Variants in ZNF827 observed in about 807,000 individuals in gnomAD.
The protein encoded by ZNF827 is zinc finger protein 827.
Under a neutral mutation model 102.4 loss-of-function variants are expected in ZNF827, and 13 were observed. The ratio of observed to expected loss-of-function variants is 0.13; its 90% confidence interval spans 0.08 to 0.20. The LOEUF (loss-of-function observed/expected upper bound fraction) is 0.20. ZNF827 is among the 10% of genes least tolerant of loss of function. The pLI is 1.00. For missense variants in ZNF827, 1,103 were observed against 1,344.4 expected (o/e 0.82, Z 2.81); for synonymous variants, 523 against 536.2 (o/e 0.98, Z 0.34).
intron 1 of ZNF827, among the ~76,000 whole-genome samples, chr4:145,910,712 A>G (rs555174079): frequency 1.3e-5 from 2 of 152,274 alleles, no homozygotes; most frequent in East Asian, 3.9e-4. Flanking sequence ...TCAGTATAAA[A>G]TACAAAACTC....
At chr4:145,911,637 G>A (rs1383113101) in intron 1 of ZNF827, among the ~76,000 whole-genome samples, 1 of 152,150 alleles carries the variant, frequency 6.6e-6, no homozygotes, top group Admixed American at 6.5e-5. Flanking sequence ...TTTACAGATG[G>A]AAAAGCCTTG....
rs899917566 is a variant in ZNF827, at chr4:145,836,293, G to A, written c.2279+9663C>T. ...CCTTTCCTTCCTAGGCATGGTTAGC[G>A]CGGTCAGAATTCTTACACAAGAGCC... On this transcript the variant is annotated intron_variant, in intron 7 of 14. Transcript: ENST00000508784. 5.9e-5 allele frequency among the ~76,000 whole-genome samples: 9 copies of A among 151,776 alleles called. No individual in the cohort carries two copies. In the East Asian group the frequency reaches 7.8e-4, roughly 13 times the overall value.
At position 145,885,662 on chromosome 4, in the gene ZNF827, A is replaced by G. The variant is rs367596259; in HGVS notation, c.1747+16T>C. ...AGAGAGAGAGAGAGAGAGAGAATAC[A>G]ACCCTATTCAAGTACCTGACAGCTT... On this transcript the variant is annotated intron_variant, in intron 4 of 14. Transcript: ENST00000508784. 1 of 1,508,216 alleles carries G rather than the reference A, an allele frequency of 6.6e-7. No homozygotes were observed. The highest frequency in any genetic ancestry group is 1.4e-5 in the African/African-American group (1 of 70,164). 93.4% of individuals were successfully genotyped at this position (1,508,216 alleles called of 1,614,324 possible).
At chr4:145,845,616 T>G (rs1745855109) in intron 7 of ZNF827, among the ~76,000 whole-genome samples, 1 of 152,162 alleles carries the variant, frequency 6.6e-6, no homozygotes, top group Non-Finnish European at 1.5e-5. Flanking sequence ...CAGTCCCAGC[T>G]GAGCCACCCG....
chr4:145,814,104 T>C (rs1302689168), intron 8 of ZNF827, among the ~76,000 whole-genome samples: 1 of 152,210 alleles, frequency 6.6e-6, no homozygotes, highest in Non-Finnish European at 1.5e-5. Flanking sequence ...ACCAGCATCA[T>C]GCTCAAAGGA....
At chr4:145,815,508 A>T (rs908837795) in intron 8 of ZNF827, among the ~76,000 whole-genome samples, 2 of 152,128 alleles carry the variant, frequency 1.3e-5, no homozygotes. Flanking sequence ...TGGCCTAGGT[A>T]AGAGAATACA....
At chr4:145,840,966 G>A (rs1477089930) in intron 7 of ZNF827, among the ~76,000 whole-genome samples, 3 of 152,312 alleles carry the variant, frequency 2.0e-5, no homozygotes, top group South Asian at 2.1e-4. Context: ...TGCACAGCAC[G>A]ATATGAGTCT....
chr4:145,783,001 G>A (rs970147245), intron 8 of ZNF827, among the ~76,000 whole-genome samples: 11 of 152,094 alleles, frequency 7.2e-5, no homozygotes, highest in African/African-American at 2.7e-4. Flanking sequence ...CTCTGTCCCA[G>A]GGAACTTTTA....
intron 7 of ZNF827, among the ~76,000 whole-genome samples, chr4:145,828,134 T>C (rs1031633875): frequency 6.6e-6 from 1 of 152,206 alleles, no homozygotes; most frequent in African/African-American, 2.4e-5. Flanking sequence ...TGAAATGCAC[T>C]GGACTTTACG....
At chr4:145,834,074 A>G (rs1194758965) in intron 7 of ZNF827, among the ~76,000 whole-genome samples, 3 of 151,858 alleles carry the variant, frequency 2.0e-5, no homozygotes, top group African/African-American at 7.3e-5. Flanking sequence ...TTCAACTTAC[A>G]CCTGACCTAA....
chr4:145,787,475 A>AC (rs1427857346), intron 8 of ZNF827, among the ~76,000 whole-genome samples: 1 of 151,894 alleles, frequency 6.6e-6, no homozygotes, highest in East Asian at 1.9e-4. Flanking sequence ...AAAAAAAAAA[A>AC]AAAAAAAAAG....
chr4:145,895,654 C>T (rs969503345), intron 2 of ZNF827, among the ~76,000 whole-genome samples: 3 of 152,116 alleles, frequency 2.0e-5, no homozygotes, highest in Non-Finnish European at 4.4e-5. Context: ...GTCATCTCAC[C>T]GATAACATCT....
intron 11 of ZNF827, among the ~76,000 whole-genome samples, chr4:145,772,077 C>A (rs1373518686): frequency 6.6e-6 from 1 of 152,206 alleles, no homozygotes; most frequent in Non-Finnish European, 1.5e-5. Flanking sequence ...TGCCAAGTAA[C>A]TTCCACATAG....
intron 2 of ZNF827, among the ~76,000 whole-genome samples, chr4:145,900,855 C>A (rs1156449783): frequency 6.6e-6 from 1 of 152,124 alleles, no homozygotes; most frequent in Non-Finnish European, 1.5e-5. Flanking sequence ...TTACCCATTT[C>A]TCTCCTTATT....
chr4:145,833,678 C>T (rs189555445), intron 7 of ZNF827, among the ~76,000 whole-genome samples: 122 of 151,366 alleles, frequency 8.1e-4, no homozygotes, highest in Middle Eastern at 3.4e-3. Context: ...CCCTTATTTA[C>T]GCACCCCAAC....
In ZNF827 at chr4:145,759,641, G is replaced by C. The variant is rs1734239857; in HGVS notation, c.*1975C>G. 6.6e-6 allele frequency: 1 copy of C among 151,542 alleles called. No homozygotes were observed. Among genetic ancestry groups the C allele is most frequent in the Non-Finnish European group, 1.5e-5 (1 of 67,948 alleles). 9.4% of individuals were successfully genotyped at this position (151,542 alleles called of 1,614,324 possible). On this transcript the variant is annotated 3_prime_UTR_variant, in exon 15 of 15. Transcript: ENST00000508784. Reference sequence around the variant, plus strand: ...TTGTGGCTAAATCTTCAAACATACAGTCTACTCATTCCATAAAAAAGGTAC... The same window carrying C: ...TTGTGGCTAAATCTTCAAACATACACTCTACTCATTCCATAAAAAAGGTAC...
chr4:145,937,041 G>A (rs1209165595), intron 1 of ZNF827, among the ~76,000 whole-genome samples: 1 of 151,740 alleles, frequency 6.6e-6, no homozygotes, highest in African/African-American at 2.4e-5. Context: ...CTGCATTCAA[G>A]GAGCCGGGCG....
intron 8 of ZNF827, among the ~76,000 whole-genome samples, chr4:145,806,465 T>A (rs2126342390): frequency 6.6e-6 from 1 of 152,292 alleles, no homozygotes; most frequent in African/African-American, 2.4e-5. Context: ...CATGAATGAA[T>A]GAACTTTCTT....
intron 1 of ZNF827, among the ~76,000 whole-genome samples, chr4:145,912,042 A>G (rs1428974388): frequency 6.6e-6 from 1 of 152,232 alleles, no homozygotes; most frequent in Non-Finnish European, 1.5e-5. Flanking sequence ...TGAGTGACAA[A>G]GCCAAGTTGA....
Sources: gnomAD v4.1 joint callset for allele counts (sites outside exome capture counted in the v4.1 genomes callset) on GRCh38, gnomAD v4.1.1 for gene constraint, MANE v1.5 for transcripts, NCBI Gene and HGNC (gene_info 2026-07-23, HGNC 2026-07-21) for gene names.